ZMAT5: variants seen among roughly 807,000 people sequenced by gnomAD.
ZMAT5 encodes the protein zinc finger matrin-type protein 5.
A neutral mutation model predicts 28.0 loss-of-function variants in ZMAT5; 23 were observed. That is an observed-to-expected ratio of 0.82 (90% confidence interval 0.59 to 1.16). The LOEUF (loss-of-function observed/expected upper bound fraction) is 1.16. Among genes scored for constraint, ZMAT5 ranks in the 50% most tolerant of loss-of-function variants. ZMAT5 has a pLI of 0.00. For missense variants in ZMAT5, 173 were observed against 212.7 expected (o/e 0.81, Z 1.16); for synonymous variants, 76 against 84.1 (o/e 0.90, Z 0.52).
At chr22:29,763,292 CAATA>C (rs201954354) in intron 1 of ZMAT5, among the ~76,000 whole-genome samples, 26 of 140,654 alleles carry the variant, frequency 1.8e-4, no homozygotes, top group African/African-American at 4.2e-4. Flanking sequence ...GACTCTGCCT[CAATA>C]AATAAATAAA....
At chr22:29,760,073 A>G (rs1176028055) in intron 1 of ZMAT5, among the ~76,000 whole-genome samples, 1 of 151,960 alleles carries the variant, frequency 6.6e-6, no homozygotes, top group Non-Finnish European at 1.5e-5. Context: ...TGGCGGCACG[A>G]GCCTGTAGTC....
At chr22:29,732,344 C>T (rs1431599413) in intron 5 of ZMAT5, among the ~76,000 whole-genome samples, 1 of 152,194 alleles carries the variant, frequency 6.6e-6, no homozygotes, top group Admixed American at 6.5e-5. Flanking sequence ...GAACTGAGCC[C>T]AAGGAAATAG....
chr22:29,731,336 G>A lies in ZMAT5; in HGVS notation c.402C>T (p.Thr134=), dbSNP rs745800248. Residue 134 remains threonine (T), a synonymous_variant, in exon 6 of 6, where the codon ACC becomes ACT. Coordinates refer to ENST00000344318, the MANE Select transcript of ZMAT5 (RefSeq NM_001003692.2). ...AGCCCACGGGGTACTGGAAGACAGT[G>A]GTTCTGATGGGTTCAGCCCTAGAGA... ...APSSRAEPIR[T]TVFQYPVGWP... 6.5e-7 allele frequency: 1 copy of A among 1,540,332 alleles called. No individual in the cohort carries two copies. The highest frequency in any genetic ancestry group is 1.4e-5 in the African/African-American group (1 of 69,912).
intron 3 of ZMAT5, among the ~76,000 whole-genome samples, chr22:29,741,800 C>T (rs1030410544): frequency 3.3e-5 from 5 of 152,156 alleles, no homozygotes; most frequent in African/African-American, 1.2e-4. Context: ...CCAGTGTGTG[C>T]TACCATGCCC....
intron 5 of ZMAT5, among the ~76,000 whole-genome samples, chr22:29,735,737 T>C (rs1046579078): frequency 6.6e-6 from 1 of 152,216 alleles, no homozygotes; most frequent in Admixed American, 6.5e-5. Context: ...CTGGGAACAC[T>C]GTAAGCACCA....
chr22:29,731,540 A>T lies in ZMAT5; in HGVS notation c.384-186T>A, dbSNP rs1406881687. 1.7e-5 allele frequency: 11 copies of T among 661,192 alleles called. No individual in the cohort carries two copies. The East Asian group carries it at 3.8e-4, about 23-fold the overall frequency. The allele number at this position is 661,192 out of a possible 1,614,324, so 41.0% of individuals were successfully genotyped here. A position where few individuals can be genotyped will look rare whatever the true frequency, so the allele number is the denominator to read the frequency against. On this transcript the variant is annotated intron_variant, in intron 5 of 5. Transcript: ENST00000344318. ...CCAGCGACCTCACCTCTAGGAACTGAGCCCAAGGAAATAGCGGGGTTGCAG... is the reference window on the plus strand; with the variant it reads ...CCAGCGACCTCACCTCTAGGAACTGTGCCCAAGGAAATAGCGGGGTTGCAG...
At chr22:29,736,726 A>G (rs2067908449) in intron 5 of ZMAT5, among the ~76,000 whole-genome samples, 1 of 146,510 alleles carries the variant, frequency 6.8e-6, no homozygotes, top group Admixed American at 6.8e-5. Flanking sequence ...TCTCAAAAAA[A>G]AAAAAAAAAA....
intron 2 of ZMAT5, among the ~76,000 whole-genome samples, chr22:29,745,611 G>C (rs1334679447): frequency 6.6e-6 from 1 of 152,240 alleles, no homozygotes; most frequent in Non-Finnish European, 1.5e-5. Flanking sequence ...TCATCATGAG[G>C]TTACTGAGCC....
chr22:29,737,797 C>G (rs1359132532), intron 5 of ZMAT5, among the ~76,000 whole-genome samples: 1 of 152,084 alleles, frequency 6.6e-6, no homozygotes, highest in African/African-American at 2.4e-5. Context: ...CCCCAAGGAC[C>G]CCGATCCAGC....
chr22:29,742,420 G>A lies in ZMAT5; in HGVS notation c.188C>T (p.Thr63Ile), dbSNP rs1201191564. Residue 63 changes from threonine (T) to isoleucine (I), a missense_variant and splice_region_variant, in exon 3 of 6, where the codon ACA becomes ATA. Physicochemically the swap from Thr to Ile is moderately conservative, Grantham distance 89. Coordinates refer to ENST00000344318, the MANE Select transcript of ZMAT5 (RefSeq NM_001003692.2). ...CTGAGCTGTGCAGAGGACTTTACCT[G>A]TCAGTAGAAACTTCCTGCAGGGCCG... is the stretch of plus-strand genomic sequence containing the variant. ...NKRPCRKFLLTGQCDFGSNCR... is the reference protein window; with the variant it reads ...NKRPCRKFLLIGQCDFGSNCR... 6.2e-6 allele frequency: 10 copies of A among 1,613,238 alleles called. No homozygotes were observed. The highest frequency in any genetic ancestry group is 8.5e-6 in the Non-Finnish European group (10 of 1,179,850).
In ZMAT5 at chr22:29,748,583, C is replaced by T. The variant is rs1277778599; in HGVS notation, c.-27-12G>A. On this transcript the variant is annotated splice_polypyrimidine_tract_variant and intron_variant, in intron 1 of 5. Transcript: ENST00000344318. Reference sequence around the variant, plus strand: ...AGGTGCTTTGCTGCCTGGGAAGCCACAAAGAGCTCAGATTAGACCATTGGA... The same window carrying T: ...AGGTGCTTTGCTGCCTGGGAAGCCATAAAGAGCTCAGATTAGACCATTGGA... 6.2e-7 allele frequency: 1 copy of T among 1,613,076 alleles called. No individual in the cohort carries two copies. Among genetic ancestry groups the T allele is most frequent in the Admixed American group, 1.7e-5 (1 of 59,970 alleles).
chr22:29,749,254 T>C (rs2147228213), intron 1 of ZMAT5, among the ~76,000 whole-genome samples: 1 of 152,100 alleles, frequency 6.6e-6, no homozygotes, highest in East Asian at 1.9e-4. Context: ...AAAAAAACAA[T>C]TTTTTTGTAG....
chr22:29,745,358 G>A (rs2068000182), intron 2 of ZMAT5, among the ~76,000 whole-genome samples: 1 of 152,212 alleles, frequency 6.6e-6, no homozygotes, highest in South Asian at 2.1e-4. Flanking sequence ...AGCTGGAAGG[G>A]AGAGGCCGGC....
At chr22:29,748,164 A>C in intron 2 of ZMAT5, 1 of 516,846 alleles carries the variant, frequency 1.9e-6, no homozygotes, top group Non-Finnish European at 3.5e-6. Context: ...GCTTTCCCCT[A>C]TTTTAGCTGT....
chr22:29,740,266 T>A (rs917753902), intron 4 of ZMAT5, among the ~76,000 whole-genome samples: 1 of 152,094 alleles, frequency 6.6e-6, no homozygotes, highest in Admixed American at 6.5e-5. Context: ...AAACTCCTTA[T>A]CCCTAGACTG....
chr22:29,733,708 T>C (rs757219356), intron 5 of ZMAT5, among the ~76,000 whole-genome samples: 2 of 152,062 alleles, frequency 1.3e-5, no homozygotes, highest in Non-Finnish European at 2.9e-5. Context: ...AGGGAGGGTG[T>C]GATCCTGGGG....
At chr22:29,734,140 A>T (rs1213132692) in intron 5 of ZMAT5, among the ~76,000 whole-genome samples, 1 of 152,174 alleles carries the variant, frequency 6.6e-6, no homozygotes, top group Non-Finnish European at 1.5e-5. Context: ...AAGAGCCAAC[A>T]ATGGGCAGCA....
chr22:29,753,831 CCAGA>C (rs1321141504), intron 1 of ZMAT5, among the ~76,000 whole-genome samples: 1 of 152,120 alleles, frequency 6.6e-6, no homozygotes, highest in Non-Finnish European at 1.5e-5. Flanking sequence ...GGCCATGTTC[CCAGA>C]CAGAGGCTGG....
At chr22:29,736,577 G>A (rs1312680647) in intron 5 of ZMAT5, among the ~76,000 whole-genome samples, 4 of 151,756 alleles carry the variant, frequency 2.6e-5, no homozygotes, top group African/African-American at 7.3e-5. Flanking sequence ...AAAATTAGCC[G>A]GGCATGGTGG....
Sources: allele counts gnomAD v4.1 joint callset (sites outside exome capture counted in the v4.1 genomes callset), GRCh38; gene constraint gnomAD v4.1.1; transcripts MANE v1.5; gene names NCBI Gene and HGNC (gene_info 2026-07-23, HGNC 2026-07-21).